The following TRRAP variants were observed in gnomAD, a reference collection of about 807,000 sequenced individuals.
TRRAP encodes the protein transformation/transcription domain-associated protein.
TRRAP carries 41 observed loss-of-function variants against 438.8 expected under a neutral mutation model. That is an observed-to-expected ratio of 0.09 (90% CI 0.07 to 0.12). The LOEUF (loss-of-function observed/expected upper bound fraction) is 0.12. TRRAP is among the 10% of genes least tolerant of loss of function. The pLI, the probability that TRRAP is intolerant of heterozygous loss-of-function variation, is 1.00. For synonymous variants in TRRAP, 1,994 were observed against 1,962.9 expected, an observed-to-expected ratio of 1.02 and a Z score of -0.42; for missense variants, 3,122 against 5,055.1, an observed-to-expected ratio of 0.62 and a Z score of 11.60.
chr7:98,899,013 C>A (rs1030770185), intron 8 of TRRAP, among the ~76,000 whole-genome samples: 3 of 152,108 alleles, frequency 2.0e-5, no homozygotes, highest in Admixed American at 1.3e-4. Flanking sequence ...CATGGCAAAA[C>A]CGCATCTCTA....
Position 98,918,120 on chromosome 7 carries a change from C to CAA in TRRAP, c.2622+454_2622+455dup, listed in dbSNP as rs113483218. Among the ~76,000 whole-genome samples, 188 of 116,302 alleles carry CAA rather than the reference C, an allele frequency of 1.6e-3. 2 individuals are homozygous for CAA. The highest frequency in any genetic ancestry group is 4.0e-3 in the African/African-American group (143 of 35,856). 76.3% of individuals were successfully genotyped at this position (116,302 alleles called of 152,430 possible). A position where few individuals can be genotyped will look rare whatever the true frequency, so the allele number is the denominator to read the frequency against. ...TGGGTGACAAAATCAGACCCTGTCT[C>CAA]AAAAAAAAAAAAAAGAGGAAATGTG... On this transcript the variant is annotated intron_variant, in intron 20 of 72. Coordinates refer to ENST00000456197, the MANE Select transcript of TRRAP (RefSeq NM_001375524.1).
chr7:98,959,873 T>A (rs1791800156), intron 45 of TRRAP, among the ~76,000 whole-genome samples: 1 of 145,510 alleles, frequency 6.9e-6, no homozygotes, highest in South Asian at 2.1e-4. Flanking sequence ...GAGGCTGCAG[T>A]GAGCTATGAT....
chr7:99,004,335 C>T lies in TRRAP; in HGVS notation c.10455C>T (p.Phe3485=). Residue 3485 remains phenylalanine (F), a synonymous_variant, in exon 68 of 73, where the codon TTC becomes TTT. Coordinates refer to ENST00000456197, the MANE Select transcript of TRRAP (RefSeq NM_001375524.1). ...AAAAGTGCCGGTTCTTGAGCAATTT[C>T]TCGGCACAGACAGCTGAAGTGGAAA... ...IEEKCRFLSN[F]SAQTAEVEIP... 6.2e-7 allele frequency: 1 copy of T among 1,614,230 alleles called. No homozygotes were observed. The highest frequency in any genetic ancestry group is 8.5e-7 in the Non-Finnish European group (1 of 1,180,044).
chr7:98,878,645 G>A lies in TRRAP; in HGVS notation c.-62+8G>A, dbSNP rs1279380871. 1 of 149,672 alleles carries A rather than the reference G, an allele frequency of 6.7e-6. No homozygotes were observed. Among genetic ancestry groups the A allele is most frequent in the African/African-American group, 2.5e-5 (1 of 39,624 alleles). The allele number at this position is 149,672 out of a possible 1,614,324, so 9.3% of individuals were successfully genotyped here. A position where few individuals can be genotyped will look rare whatever the true frequency, so the allele number is the denominator to read the frequency against. Reference sequence around the variant, plus strand: ...CGGGCCGCCGAGGTCGGGGTAAGTTGGCGGGCGGGCGTCCGAACGGCCCCG... The same window carrying A: ...CGGGCCGCCGAGGTCGGGGTAAGTTAGCGGGCGGGCGTCCGAACGGCCCCG... On this transcript the variant is annotated splice_region_variant and intron_variant, in intron 1 of 72. Coordinates refer to ENST00000456197, the MANE Select transcript of TRRAP (RefSeq NM_001375524.1).
intron 48 of TRRAP, 33 bp downstream of exon 48, chr7:98,964,808 G>A (rs1335376779): frequency 6.3e-7 from 1 of 1,598,994 alleles, no homozygotes; most frequent in Non-Finnish European, 8.5e-7. Flanking sequence ...CCTTTCCTCA[G>A]ACTCTGTTGA....
intron 31 of TRRAP, 108 bp downstream of exon 31, chr7:98,943,125 G>A (rs559875800): frequency 8.1e-6 from 9 of 1,111,612 alleles, no homozygotes; most frequent in Admixed American, 6.1e-5. Context: ...CTAGTTTGAC[G>A]TGATTGTAGT....
rs1554402821 is a variant in TRRAP, at chr7:98,880,259, G to GTT, written c.-61-830_-61-829dup. Among the ~76,000 whole-genome samples the GTT allele has an allele frequency of 2.7e-4, 9 of 33,534 alleles. No homozygotes were observed. The East Asian group carries it at 3.9e-3, about 15-fold the overall frequency. 22.0% of individuals were successfully genotyped at this position (33,534 alleles called of 152,430 possible). A position where few individuals can be genotyped will look rare whatever the true frequency, so the allele number is the denominator to read the frequency against. ...CTGCTGCCTGCGTTTTGTTGTTGTT[G>GTT]TTGTTTTTTTTTTTTTTTTTCCGAG... On this transcript the variant is annotated intron_variant, in intron 1 of 72. Coordinates refer to ENST00000456197, the MANE Select transcript of TRRAP (RefSeq NM_001375524.1).
intron 59 of TRRAP, among the ~76,000 whole-genome samples, chr7:98,982,887 TC>T (rs1447905656): frequency 6.6e-6 from 1 of 152,144 alleles, no homozygotes; most frequent in African/African-American, 2.4e-5. Flanking sequence ...TGCCAGGCTG[TC>T]CCGACCTTAG....
Position 98,978,829 on chromosome 7 carries a change from C to T in TRRAP, c.8559C>T (p.His2853=). The part of the protein sequence containing the change: ...ALTEYGQSKG[H]INPYLVLECA... ...CGGAGTACGGTCAGTCCAAAGGCCA[C>T]ATCAACCCCTACCTCGTCCTGGAGT... is the stretch of plus-strand genomic sequence containing the variant. Residue 2853 remains histidine (H), a synonymous_variant, in exon 58 of 73, where the codon CAC becomes CAT. Coordinates refer to ENST00000456197, the MANE Select transcript of TRRAP (RefSeq NM_001375524.1). 1 of 1,614,254 alleles carries T rather than the reference C, an allele frequency of 6.2e-7. No individual in the cohort carries two copies.
chr7:98,980,378 T>C (rs1344834030), intron 58 of TRRAP, among the ~76,000 whole-genome samples: 1 of 130,660 alleles, frequency 7.7e-6, no homozygotes, highest in Non-Finnish European at 1.5e-5. Flanking sequence ...TCCTTCCATC[T>C]TTCTAATCAC....
chr7:98,973,692 T>C (rs1004233168), intron 53 of TRRAP, among the ~76,000 whole-genome samples: 1 of 152,140 alleles, frequency 6.6e-6, no homozygotes, highest in Non-Finnish European at 1.5e-5. Flanking sequence ...CCCATCTGTG[T>C]CACCCTTTGT....
intron 61 of TRRAP, 62 bp from the exon 62 acceptor site, chr7:98,984,882 T>C: frequency 1.8e-6 from 2 of 1,088,694 alleles, no homozygotes; most frequent in Non-Finnish European, 2.8e-6. Flanking sequence ...TAGTATTTTA[T>C]GAGGTTTTCA....
chr7:98,965,746 G>T lies in TRRAP; in HGVS notation c.7027G>T (p.Ala2343Ser). ...LSLELVKTRL[A>S]VMSMEMRKNF... is the part of the protein sequence containing the mutation. Reference sequence around the variant, plus strand: ...TCTGGAGCTGGTGAAGACGCGCCTGGCAGTGATGAGCATGGAGATGCGGAA... The same window carrying T: ...TCTGGAGCTGGTGAAGACGCGCCTGTCAGTGATGAGCATGGAGATGCGGAA... Residue 2343 changes from alanine to serine, a missense_variant, in exon 49 of 73, where the codon GCA (alanine) becomes TCA (serine). Transcript: ENST00000456197. The T allele has an allele frequency of 1.2e-6, 2 of 1,614,136 alleles. No individual in the cohort carries two copies. Among genetic ancestry groups the T allele is most frequent in the Non-Finnish European group, 1.7e-6 (2 of 1,180,034 alleles).
chr7:98,970,377 A>C, intron 52 of TRRAP, 86 bp downstream of exon 52: 1 of 1,446,222 alleles, frequency 6.9e-7, no homozygotes, highest in Non-Finnish European at 9.3e-7. Flanking sequence ...AGGAGGTGAG[A>C]CCCCGTGCCC....
intron 6 of TRRAP, 134 bp from the exon 7 acceptor site, chr7:98,895,630 A>T: frequency 3.4e-6 from 2 of 588,824 alleles, no homozygotes; most frequent in East Asian, 6.2e-5. Context: ...GCCTATTTGT[A>T]TCTTGAGCCC....
intron 67 of TRRAP, chr7:98,999,617 CAG>C (rs1323970415): frequency 4.9e-6 from 4 of 811,864 alleles, no homozygotes; most frequent in Non-Finnish European, 8.5e-6. Context: ...TTGCATAGAG[CAG>C]AGAGCTGAGT....
In TRRAP at chr7:98,948,440, C is replaced by T. The variant is rs1791184476; in HGVS notation, c.4668+100C>T. The T allele has an allele frequency of 3.1e-6, 5 of 1,609,086 alleles. No individual in the cohort carries two copies. The highest frequency in any genetic ancestry group is 2.2e-5 in the East Asian group (1 of 44,808). On this transcript the variant is annotated intron_variant, in intron 34 of 72. Coordinates refer to ENST00000456197, the MANE Select transcript of TRRAP (RefSeq NM_001375524.1). This position sits in a 1 kb window ranked among gnomAD's most constrained non-coding sequence, Gnocchi z 4.9. ...TTCAATGGACGGAACAGCATAAAGA[C>T]GTTCGATGTCAACATTTGCTTGTGG...
intron 4 of TRRAP, 119 bp from the exon 5 acceptor site, chr7:98,892,305 G>T: frequency 1.2e-6 from 1 of 806,308 alleles, no homozygotes; most frequent in Non-Finnish European, 2.0e-6. Context: ...TTGTAGGATG[G>T]TGGTTCATTC....
chr7:98,887,556 G>C (rs1335855408), intron 3 of TRRAP, among the ~76,000 whole-genome samples: 2 of 151,814 alleles, frequency 1.3e-5, no homozygotes, highest in Non-Finnish European at 2.9e-5. Context: ...GCACCGAGTT[G>C]GCCCAGGAGA....
Sources: allele counts gnomAD v4.1 joint callset (sites outside exome capture counted in the v4.1 genomes callset), GRCh38; gene constraint gnomAD v4.1.1; non-coding constraint Gnocchi (gnomAD v3.1); transcripts MANE v1.5; gene names NCBI Gene and HGNC (gene_info 2026-07-23, HGNC 2026-07-21).